SMARCC1: variants seen among roughly 807,000 people sequenced by gnomAD.
SMARCC1 encodes the protein SWI/SNF related BAF chromatin remodeling complex subunit C1.
SMARCC1 carries 43 observed loss-of-function variants against 147.4 expected under a neutral mutation model. The observed-to-expected ratio is 0.29, with a 90% CI of 0.23 to 0.38. SMARCC1 has a LOEUF of 0.38. SMARCC1 is among the 10% of genes least tolerant of loss of function. The pLI, the probability that SMARCC1 is intolerant of heterozygous loss-of-function variation, is 1.00. For synonymous variants in SMARCC1, 495 were observed against 484.4 expected (o/e 1.02, Z -0.29); for missense variants, 1,119 against 1,381.1 (o/e 0.81, Z 3.01).
intron 17 of SMARCC1, 62 bp downstream of exon 17, chr3:47,676,567 G>T: frequency 8.5e-7 from 1 of 1,173,622 alleles, no homozygotes; most frequent in Non-Finnish European, 1.3e-6. Context: ...TTTCTAAATA[G>T]ATATGCTATA....
chr3:47,745,353 C>T (rs1204459144), intron 3 of SMARCC1, among the ~76,000 whole-genome samples: 2 of 152,168 alleles, frequency 1.3e-5, no homozygotes, highest in Non-Finnish European at 2.9e-5. Flanking sequence ...AGCCTACCTT[C>T]TAATTTGCTA....
intron 2 of SMARCC1, among the ~76,000 whole-genome samples, chr3:47,764,377 A>G (rs1415272050): frequency 2.6e-5 from 4 of 152,208 alleles, no homozygotes; most frequent in African/African-American, 9.7e-5. Context: ...ACTTCAGCAA[A>G]GCTGTAGGAC....
chr3:47,603,868 G>A, intron 26 of SMARCC1: 1 of 357,670 alleles, frequency 2.8e-6, no homozygotes, highest in Non-Finnish European at 5.5e-6. Context: ...TTGTTTGGTA[G>A]GAAGAAACCA....
chr3:47,766,101 T>A (rs1358833445), intron 2 of SMARCC1, among the ~76,000 whole-genome samples: 1 of 152,148 alleles, frequency 6.6e-6, no homozygotes, highest in Non-Finnish European at 1.5e-5. Flanking sequence ...TCTCAAGATC[T>A]CCTGGAGCTG....
At chr3:47,670,281 T>TC (rs2033478173) in intron 19 of SMARCC1, 2 of 194,126 alleles carry the variant, frequency 1.0e-5, no homozygotes, top group Admixed American at 1.2e-4. Context: ...TAAAACAGAA[T>TC]ACTATAGGTG....
chr3:47,704,207 A>G (rs1437467844), intron 10 of SMARCC1, among the ~76,000 whole-genome samples: 1 of 152,172 alleles, frequency 6.6e-6, no homozygotes, highest in African/African-American at 2.4e-5. Context: ...AAGCCTATAA[A>G]CCTAAAGGCA....
At chr3:47,750,244 G>A (rs2034614630) in intron 2 of SMARCC1, among the ~76,000 whole-genome samples, 1 of 152,136 alleles carries the variant, frequency 6.6e-6, no homozygotes, top group African/African-American at 2.4e-5. Context: ...AGACCATCCT[G>A]GCCAACATGG....
chr3:47,772,726 C>T lies in SMARCC1; in HGVS notation c.315+91G>A, dbSNP rs1006028091. On this transcript the variant is annotated intron_variant, in intron 2 of 27. Coordinates refer to ENST00000254480, the MANE Select transcript of SMARCC1 (RefSeq NM_003074.4). ...GCTTTTTTTTTTTAAATTCTACACG[C>T]TAGCAGCAGCAAAGGAAAAAAGCTG... is the stretch of plus-strand genomic sequence containing the variant. 1.1e-5 allele frequency: 13 copies of T among 1,146,188 alleles called. No homozygotes were observed. In the African/African-American group the frequency reaches 1.9e-4, roughly 17 times the overall value. 71.0% of individuals were successfully genotyped at this position (1,146,188 alleles called of 1,614,324 possible).
chr3:47,634,100 A>G, intron 24 of SMARCC1, among the ~76,000 whole-genome samples: 1 of 152,196 alleles, frequency 6.6e-6, no homozygotes, highest in East Asian at 1.9e-4. Flanking sequence ...AAAATTAGCT[A>G]AAGAATCAGA....
intron 26 of SMARCC1, among the ~76,000 whole-genome samples, chr3:47,595,340 C>T (rs959077962): frequency 1.3e-5 from 2 of 152,088 alleles, no homozygotes; most frequent in Non-Finnish European, 2.9e-5. Context: ...GCCTGGCTAA[C>T]ATGTTGAAAC....
chr3:47,656,082 G>A (rs1186888673), intron 21 of SMARCC1, among the ~76,000 whole-genome samples: 9 of 152,002 alleles, frequency 5.9e-5, no homozygotes, highest in Non-Finnish European at 7.4e-5. Flanking sequence ...TTGGTGGTGC[G>A]CACCTGTAGT....
chr3:47,696,150 C>A (rs2106781407), intron 11 of SMARCC1, among the ~76,000 whole-genome samples: 1 of 150,884 alleles, frequency 6.6e-6, no homozygotes, highest in Middle Eastern at 3.4e-3. Flanking sequence ...GCGGGTGGAT[C>A]ACCTGAGATC....
intron 5 of SMARCC1, among the ~76,000 whole-genome samples, chr3:47,733,671 G>C (rs1400740866): frequency 6.6e-6 from 1 of 151,926 alleles, no homozygotes; most frequent in Non-Finnish European, 1.5e-5. Flanking sequence ...CGGATCACAA[G>C]GTCAAGAGAT....
chr3:47,631,063 A>AAAGC (rs926399027), intron 24 of SMARCC1, among the ~76,000 whole-genome samples: 1 of 152,044 alleles, frequency 6.6e-6, no homozygotes, highest in Admixed American at 6.6e-5. Flanking sequence ...AGACCCTGAC[A>AAAGC]AAGCAAGCAA....
intron 5 of SMARCC1, among the ~76,000 whole-genome samples, chr3:47,730,171 CA>C (rs1204690749): frequency 6.6e-6 from 1 of 151,218 alleles, no homozygotes; most frequent in Non-Finnish European, 1.5e-5. Flanking sequence ...GACTCCGTCT[CA>C]AAAAAATAAA....
At chr3:47,750,750 A>G (rs1033948819) in intron 2 of SMARCC1, among the ~76,000 whole-genome samples, 18 of 152,170 alleles carry the variant, frequency 1.2e-4, no homozygotes, top group Non-Finnish European at 1.6e-4. Flanking sequence ...CTATATTGAC[A>G]CCACTTAAAA....
intron 11 of SMARCC1, among the ~76,000 whole-genome samples, chr3:47,693,928 G>C (rs1336432644): frequency 1.3e-5 from 2 of 152,164 alleles, no homozygotes; most frequent in African/African-American, 4.8e-5. Context: ...CTCCCAAAAT[G>C]CCGGGATCAC....
chr3:47,728,368 G>A (rs1171285735), intron 6 of SMARCC1, among the ~76,000 whole-genome samples: 1 of 152,020 alleles, frequency 6.6e-6, no homozygotes, highest in South Asian at 2.1e-4. Flanking sequence ...GATTACAGGC[G>A]TGAGACACCA....
chr3:47,676,898 G>A, intron 16 of SMARCC1, 116 bp from the exon 17 acceptor site: 1 of 826,554 alleles, frequency 1.2e-6, no homozygotes, highest in Non-Finnish European at 1.9e-6. Flanking sequence ...TGCTCAGCAG[G>A]CTGTCAAACA....
Sources: gnomAD v4.1 joint callset for allele counts (sites outside exome capture counted in the v4.1 genomes callset) on GRCh38, gnomAD v4.1.1 for gene constraint, MANE v1.5 for transcripts, NCBI Gene and HGNC (gene_info 2026-07-23, HGNC 2026-07-21) for gene names.